The following GBF1 variants were observed in gnomAD, a reference collection of about 807,000 sequenced individuals.
GBF1 encodes Golgi-specific brefeldin A-resistance guanine nucleotide exchange factor 1.
A neutral mutation model predicts 210.5 loss-of-function variants in GBF1; 114 were observed. The observed-to-expected ratio is 0.54, with a 90% CI of 0.47 to 0.63. The LOEUF (loss-of-function observed/expected upper bound fraction) is 0.63, where lower values mean the gene tolerates loss of function less well. GBF1 is among the 30% of genes least tolerant of loss of function. GBF1 has a pLI of 0.00. For synonymous variants in GBF1, 850 were observed against 889.2 expected, an observed-to-expected ratio of 0.96 and a Z score of 0.78; for missense variants, 1,851 against 2,357.7, an observed-to-expected ratio of 0.79 and a Z score of 4.45.
rs1310541598 is a variant in GBF1, at chr10:102,369,882, C to T, written c.3237C>T (p.Ser1079=). ...PSNRGESTVL[S]FVSWLTLSGP... ...ACAGAGGAGAGTCAACAGTGCTGAG[C>T]TTTGTGAGCTGGCTAACACTGAGTG... is the stretch of plus-strand genomic sequence containing the variant. Residue 1079 remains serine, a synonymous_variant, in exon 26 of 40, where the codon AGC becomes AGT. Transcript: ENST00000369983. 1.2e-6 allele frequency: 2 copies of T among 1,614,112 alleles called. No homozygotes were observed. The highest frequency in any genetic ancestry group is 8.5e-7 in the Non-Finnish European group (1 of 1,180,010).
At chr10:102,367,375 T>C (rs2059971044) in intron 20 of GBF1, 103 bp from the exon 21 acceptor site, 1 of 1,138,240 alleles carries the variant, frequency 8.8e-7, no homozygotes, top group Non-Finnish European at 1.3e-6. Flanking sequence ...GTGGGTTTTT[T>C]CGCTTACCTT....
chr10:102,298,115 A>G (rs528392795), intron 3 of GBF1, among the ~76,000 whole-genome samples: 304 of 152,178 alleles, frequency 2.0e-3, no homozygotes, highest in African/African-American at 6.9e-3. Context: ...TTGTATTTTT[A>G]GTAGAGACGG....
rs186374297 is a variant in GBF1 at position 102,370,489 on chromosome 10, C to T, written c.3506+11C>T. On this transcript the variant is annotated intron_variant, in intron 28 of 39. Coordinates refer to ENST00000369983, the MANE Select transcript of GBF1 (RefSeq NM_001377137.1). ...TGTGTTGGAGAACAGGTAAGATGAG[C>T]GTAGTCTTTAGGCAGACCCCATGCT... 167 of 1,595,062 alleles carry T rather than the reference C, an allele frequency of 1.0e-4. No individual in the cohort carries two copies. Among genetic ancestry groups the T allele is most frequent in the Middle Eastern group, 3.3e-4 (2 of 6,010 alleles).
chr10:102,252,826 G>A (rs1394365573), intron 1 of GBF1, among the ~76,000 whole-genome samples: 3 of 151,378 alleles, frequency 2.0e-5, no homozygotes, highest in Non-Finnish European at 4.4e-5. Flanking sequence ...CAGCCTGGGC[G>A]ACAGAATGAG....
chr10:102,353,852 C>T (rs1477191105), intron 8 of GBF1, among the ~76,000 whole-genome samples, 198 bp downstream of exon 8: 1 of 152,170 alleles, frequency 6.6e-6, no homozygotes, highest in Non-Finnish European at 1.5e-5. Flanking sequence ...TCTGCTCTGG[C>T]CTATCTTTGA....
chr10:102,278,218 A>G (rs1356717434), intron 3 of GBF1, among the ~76,000 whole-genome samples: 1 of 151,992 alleles, frequency 6.6e-6, no homozygotes, highest in Non-Finnish European at 1.5e-5. Flanking sequence ...TGATCATGCC[A>G]CTGCACTCCA....
chr10:102,376,667 C>G lies in GBF1; in HGVS notation c.4155C>G (p.His1385Gln), dbSNP rs749478263. The G allele has an allele frequency of 6.2e-7, 1 of 1,613,888 alleles. No individual in the cohort carries two copies. Among genetic ancestry groups the G allele is most frequent in the East Asian group, 2.2e-5 (1 of 44,866 alleles). Residue 1385 changes from histidine to glutamine, a missense_variant, in exon 32 of 40, where the codon CAC (histidine) becomes CAG (glutamine). Physicochemically the swap from His to Gln is conservative, Grantham distance 24. Around this residue, in one of 3 missense-constraint regions of GBF1, gnomAD observed 967 missense variants for 1,247.7 expected, o/e 0.78. Transcript: ENST00000369983. Reference sequence around the variant, plus strand: ...CAGTGGGACTGGATTTGGGGCCACACGACACTAAGTCTCTGCTTAAGTGTG... The same window carrying G: ...CAGTGGGACTGGATTTGGGGCCACAGGACACTAAGTCTCTGCTTAAGTGTG... ...SLTVGLDLGP[H>Q]DTKSLLKCVE... is the part of the protein sequence containing the mutation.
At chr10:102,284,868 C>T (rs920780501) in intron 3 of GBF1, among the ~76,000 whole-genome samples, 1 of 152,114 alleles carries the variant, frequency 6.6e-6, no homozygotes, top group Non-Finnish European at 1.5e-5. Context: ...AACCATACTA[C>T]ATTCCCACCA....
chr10:102,380,285 T>C lies in GBF1; in HGVS notation c.4915T>C (p.Ser1639Pro), dbSNP rs767607313. The C allele has an allele frequency of 6.2e-7, 1 of 1,614,066 alleles. No individual in the cohort carries two copies. The highest frequency in any genetic ancestry group is 8.5e-7 in the Non-Finnish European group (1 of 1,179,944). The change falls in exon 37 of 40, where the codon TCT (serine) becomes CCT (proline). Residue 1639 changes from serine (S) to proline (P), a missense_variant. This residue lies in a region of GBF1 where 967 missense variants were observed against 1,247.7 expected (regional missense o/e 0.78). Coordinates refer to ENST00000369983, the MANE Select transcript of GBF1 (RefSeq NM_001377137.1). ...GCACCTGTCTCCACTGCTGTCACTC[T>C]CTACCTTTGCGGCCCTCTGGCTCAC... Reference protein sequence around the residue: ...LQHLSPLLSLSTFAALWLTIL... With the variant: ...LQHLSPLLSLPTFAALWLTIL...
At chr10:102,342,476 G>T (rs2058268497) in intron 3 of GBF1, among the ~76,000 whole-genome samples, 1 of 151,980 alleles carries the variant, frequency 6.6e-6, no homozygotes, top group Admixed American at 6.6e-5. Context: ...TCTAGGTGGG[G>T]GTAGTAGGGG....
chr10:102,232,121 G>T, the GBF1 span: 1 of 1,247,104 alleles, frequency 8.0e-7, no homozygotes, highest in Non-Finnish European at 1.1e-6. Context: ...ACAGACCAGG[G>T]TAATGGGGGT....
At chr10:102,380,944 G>A (rs1267747374) in intron 38 of GBF1, among the ~76,000 whole-genome samples, 183 bp from the exon 39 acceptor site, 5 of 152,058 alleles carry the variant, frequency 3.3e-5, no homozygotes, top group African/African-American at 9.7e-5. Context: ...GGAAGTGGAG[G>A]TTGCAGTGAG....
rs775513718 is a variant in GBF1, at chr10:102,377,037, G to A, written c.4391G>A (p.Arg1464Gln). 61 of 1,614,102 alleles carry A rather than the reference G, an allele frequency of 3.8e-5. No individual in the cohort carries two copies. The highest frequency in any genetic ancestry group is 2.7e-4 in the East Asian group (12 of 44,874). Residue 1464 changes from arginine (R) to glutamine (Q), a missense_variant, in exon 33 of 40, where the codon CGA (arginine) becomes CAA (glutamine). Arg to Gln is a conservative substitution (Grantham distance 43). This residue lies in a region of GBF1 where 967 missense variants were observed against 1,247.7 expected (regional missense o/e 0.78). Coordinates refer to ENST00000369983, the MANE Select transcript of GBF1 (RefSeq NM_001377137.1). ...GAGGGATCAATGCTTCGCCGGCCTC[G>A]AACCTCCAGCCAACATGCCTCTCGG... ...SKEGSMLRRPRTSSQHASRGG... is the reference protein window; with the variant it reads ...SKEGSMLRRPQTSSQHASRGG...
intron 3 of GBF1, among the ~76,000 whole-genome samples, chr10:102,328,766 A>C (rs2057104869): frequency 6.6e-6 from 1 of 152,184 alleles, no homozygotes; most frequent in Admixed American, 6.6e-5. Flanking sequence ...TGCTAATGTC[A>C]GTTCAGAATT....
chr10:102,365,740 G>A, intron 18 of GBF1, 141 bp downstream of exon 18: 1 of 717,842 alleles, frequency 1.4e-6, no homozygotes, highest in Non-Finnish European at 2.4e-6. Context: ...GTGAAACCCT[G>A]TCTCTACAAA....
At position 102,293,764 on chromosome 10, in the gene GBF1, G is replaced by GTTTTTTTTTTTTTTTTTTTTTT. The variant is rs1263151407; in HGVS notation, c.163+33652_163+33653insTTTTTTTTTTTTTTTTTTTTTT. On this transcript the variant is annotated intron_variant, in intron 3 of 39. Coordinates refer to ENST00000369983, the MANE Select transcript of GBF1 (RefSeq NM_001377137.1). ...AAAATATTTTGTACAGCTGTAGTAT[G>GTTTTTTTTTTTTTTTTTTTTTT]TTTTGTGTTTTTTTTTTTTTTTTTT... is the stretch of plus-strand genomic sequence containing the variant. 2.7e-3 allele frequency among the ~76,000 whole-genome samples: 138 copies of GTTTTTTTTTTTTTTTTTTTTTT among 50,876 alleles called. 49 individuals carry two copies. The highest frequency in any genetic ancestry group is 4.3e-3 in the Non-Finnish European group (102 of 23,608). The allele number at this position is 50,876 out of a possible 152,430, so 33.4% of individuals were successfully genotyped here.
intron 13 of GBF1, 58 bp from the exon 14 acceptor site, chr10:102,361,660 T>C: frequency 4.1e-6 from 5 of 1,211,698 alleles, no homozygotes; most frequent in Non-Finnish European, 5.8e-6. Context: ...TCTAATTTTT[T>C]CTCTTCCTAT....
chr10:102,304,680 A>T (rs2077683583), intron 3 of GBF1, among the ~76,000 whole-genome samples: 1 of 152,114 alleles, frequency 6.6e-6, no homozygotes, highest in Non-Finnish European at 1.5e-5. Context: ...AGGCTGAGGC[A>T]GGAGAATTGC....
chr10:102,357,647 T>C (rs11592574), intron 8 of GBF1, among the ~76,000 whole-genome samples: 19,486 of 152,128 alleles, frequency 0.13, 1,532 homozygotes, highest in Non-Finnish European at 0.17. Context: ...CATGCACCTG[T>C]AGAACTGAGT....
Sources: allele counts gnomAD v4.1 joint callset (sites outside exome capture counted in the v4.1 genomes callset), GRCh38; gene constraint gnomAD v4.1.1; regional missense constraint gnomAD v4.1.1; transcripts MANE v1.5; gene names NCBI Gene and HGNC (gene_info 2026-07-23, HGNC 2026-07-21).